The following CTNND2 variants were observed in gnomAD, a reference collection of about 807,000 sequenced individuals.
CTNND2 encodes the protein catenin delta 2, also known as catenin delta-2.
CTNND2 carries 22 observed loss-of-function variants against 144.4 expected under a neutral mutation model. The ratio of observed to expected loss-of-function variants is 0.15; its 90% CI spans 0.11 to 0.22. The LOEUF is 0.22. Ranked by LOEUF, CTNND2 falls within the 10% of genes least tolerant of loss-of-function variation. The pLI is 1.00. For synonymous variants in CTNND2, 751 were observed against 695.6 expected, an observed-to-expected ratio of 1.08 and a Z score of -1.25; for missense variants, 1,353 against 1,618.8, an observed-to-expected ratio of 0.84 and a Z score of 2.82.
chr5:11,888,276 T>A (rs1315811728), intron 1 of CTNND2, among the ~76,000 whole-genome samples: 1 of 152,202 alleles, frequency 6.6e-6, no homozygotes, highest in African/African-American at 2.4e-5. Context: ...GTTACAACCT[T>A]ACGACTAGGC....
intron 2 of CTNND2, among the ~76,000 whole-genome samples, chr5:11,681,001 G>A (rs1784400747): frequency 6.6e-6 from 1 of 151,994 alleles, no homozygotes; most frequent in Non-Finnish European, 1.5e-5. Flanking sequence ...TCTAGAGGAT[G>A]AGATGGAGGG....
At chr5:11,319,773 G>A (rs556124496) in intron 9 of CTNND2, among the ~76,000 whole-genome samples, 4 of 152,194 alleles carry the variant, frequency 2.6e-5, no homozygotes, top group African/African-American at 4.8e-5. Context: ...CACCAGCCTC[G>A]GCCTCCCAAA....
chr5:11,462,932 C>T (rs1005459153), intron 3 of CTNND2, among the ~76,000 whole-genome samples: 1 of 152,074 alleles, frequency 6.6e-6, no homozygotes, highest in Admixed American at 6.6e-5. Flanking sequence ...GCCCTCCTGT[C>T]CCACATCTGC....
chr5:11,292,001 C>T (rs1311690776), intron 9 of CTNND2, among the ~76,000 whole-genome samples: 3 of 152,072 alleles, frequency 2.0e-5, no homozygotes, highest in African/African-American at 7.2e-5. Flanking sequence ...CCCTGCTCCT[C>T]CTTTTGAGTT....
chr5:10,989,676 C>T (rs1489980948), intron 19 of CTNND2, among the ~76,000 whole-genome samples: 3 of 152,172 alleles, frequency 2.0e-5, no homozygotes, highest in Non-Finnish European at 2.9e-5. Context: ...CAGTTTGTCA[C>T]CCTTATATCT....
chr5:10,996,594 G>GATTT (rs372357609), intron 18 of CTNND2, among the ~76,000 whole-genome samples: 1 of 152,106 alleles, frequency 6.6e-6, no homozygotes, highest in South Asian at 2.1e-4. Context: ...GGATTTTGCT[G>GATTT]ATTTATTTAT....
chr5:11,387,274 A>T lies in CTNND2; in HGVS notation c.613-2045T>A, dbSNP rs185180285. Among the ~76,000 whole-genome samples the T allele has an allele frequency of 4.0e-5, 6 of 151,592 alleles. No homozygotes were observed. The East Asian group carries it at 9.7e-4, about 24-fold the overall frequency. On this transcript the variant is annotated intron_variant, in intron 6 of 21. Coordinates refer to ENST00000304623, the MANE Select transcript of CTNND2 (RefSeq NM_001332.4). Reference sequence around the variant, plus strand: ...AAAAAATTCTAGAGGAATCAGAGCAATCAGAATCATACCCCCACCATAAAC... The same window carrying T: ...AAAAAATTCTAGAGGAATCAGAGCATTCAGAATCATACCCCCACCATAAAC...
chr5:11,059,983 TC>T (rs200214087), intron 16 of CTNND2, among the ~76,000 whole-genome samples: 2,129 of 152,280 alleles, frequency 0.014, 53 homozygotes, highest in African/African-American at 0.049. Context: ...AAATATTTTT[TC>T]CTGCAAAATA....
At chr5:11,028,851 G>A (rs1362166787) in intron 16 of CTNND2, among the ~76,000 whole-genome samples, 1 of 152,114 alleles carries the variant, frequency 6.6e-6, no homozygotes, top group Non-Finnish European at 1.5e-5. Flanking sequence ...TGAGATTACA[G>A]GTATGTGACA....
At chr5:11,215,380 A>C (rs1313317370) in intron 10 of CTNND2, among the ~76,000 whole-genome samples, 1 of 152,226 alleles carries the variant, frequency 6.6e-6, no homozygotes, top group Admixed American at 6.5e-5. Context: ...ACACGACAGC[A>C]CTATGTATAA....
chr5:11,606,449 G>C (rs1561613716), intron 2 of CTNND2, among the ~76,000 whole-genome samples: 1 of 152,138 alleles, frequency 6.6e-6, no homozygotes, highest in East Asian at 2.0e-4. Context: ...GAGACACATT[G>C]GGATGGCTCG....
In CTNND2 at chr5:11,703,279, C is replaced by T. The variant is rs139469597; in HGVS notation, c.174+28857G>A. On this transcript the variant is annotated intron_variant, in intron 2 of 21. Coordinates refer to ENST00000304623, the MANE Select transcript of CTNND2 (RefSeq NM_001332.4). ...CCCAATGAAACATACATCCAGTTTA[C>T]AGATATATGTTTATATATGCTATCA... Among the ~76,000 whole-genome samples, 77 of 152,296 alleles carry T rather than the reference C, an allele frequency of 5.1e-4. No individual in the cohort carries two copies. The East Asian group carries it at 0.013, about 27-fold the overall frequency.
rs555987398 is a variant in CTNND2, at chr5:11,374,434, C to A, written c.1178-9544G>T. Among the ~76,000 whole-genome samples, 3 of 152,240 alleles carry A rather than the reference C, an allele frequency of 2.0e-5. No homozygotes were observed. In the South Asian group the frequency reaches 6.2e-4, roughly 32 times the overall value. On this transcript the variant is annotated intron_variant, in intron 7 of 21. Coordinates refer to ENST00000304623, the MANE Select transcript of CTNND2 (RefSeq NM_001332.4). ...AACTACCTCTCCTCCCTGGGAGTAG[C>A]TTTTGGCAGCTACTAGGAGGAGTGG...
chr5:11,058,722 G>A (rs753217059), intron 16 of CTNND2, among the ~76,000 whole-genome samples: 5 of 152,196 alleles, frequency 3.3e-5, no homozygotes, highest in Non-Finnish European at 7.3e-5. Flanking sequence ...AGCTGGAAAA[G>A]TCACAGACAC....
chr5:11,120,280 G>A (rs536666060), intron 12 of CTNND2, among the ~76,000 whole-genome samples: 2 of 151,848 alleles, frequency 1.3e-5, no homozygotes, highest in South Asian at 4.2e-4. Context: ...ATGAGGCTCA[G>A]TATACATATA....
At chr5:11,093,493 A>T (rs1006698593) in intron 15 of CTNND2, among the ~76,000 whole-genome samples, 2 of 152,168 alleles carry the variant, frequency 1.3e-5, no homozygotes, top group African/African-American at 4.8e-5. Context: ...CCAAGTAATG[A>T]GTGTTTTAAA....
intron 3 of CTNND2, among the ~76,000 whole-genome samples, chr5:11,471,100 C>G (rs996147021): frequency 1.5e-4 from 22 of 151,030 alleles, no homozygotes; most frequent in Non-Finnish European, 3.0e-4. Flanking sequence ...GCTTCAGCCT[C>G]CTGAGTAGCG....
intron 1 of CTNND2, among the ~76,000 whole-genome samples, chr5:11,737,172 A>G (rs1056084676): frequency 1.4e-5 from 2 of 148,004 alleles, no homozygotes; most frequent in Admixed American, 1.3e-4. Context: ...GGTCCAGCCT[A>G]CTCGCCCACT....
chr5:11,139,368 A>G (rs1425031151), intron 12 of CTNND2, among the ~76,000 whole-genome samples: 1 of 152,184 alleles, frequency 6.6e-6, no homozygotes, highest in Non-Finnish European at 1.5e-5. Flanking sequence ...GACTGTGTGA[A>G]AGCACGCTGA....
Sources: gnomAD v4.1 joint callset for allele counts (sites outside exome capture counted in the v4.1 genomes callset) on GRCh38, gnomAD v4.1.1 for gene constraint, MANE v1.5 for transcripts, NCBI Gene and HGNC (gene_info 2026-07-23, HGNC 2026-07-21) for gene names.